CSMD2: variants seen among roughly 807,000 people sequenced by gnomAD.
The protein encoded by CSMD2 is CUB and sushi domain-containing protein 2.
CSMD2 carries 130 observed loss-of-function variants against 398.5 expected under a neutral mutation model. The ratio of observed to expected loss-of-function variants is 0.33; its 90% confidence interval spans 0.28 to 0.38. CSMD2 has a LOEUF of 0.38. CSMD2 is among the 10% of genes least tolerant of loss of function. CSMD2 has a pLI of 1.00. For synonymous variants in CSMD2, 1,828 were observed against 1,908.5 expected, an observed-to-expected ratio of 0.96 and a Z score of 1.10; for missense variants, 3,829 against 4,764.9, an observed-to-expected ratio of 0.80 and a Z score of 5.78.
At chr1:33,796,785 G>A (rs142682697) in intron 10 of CSMD2, among the ~76,000 whole-genome samples, 1,600 of 152,300 alleles carry the variant, frequency 0.011, 35 homozygotes, top group African/African-American at 0.036. Context: ...ATAAATGGAT[G>A]TGCAAGTAGG....
intron 9 of CSMD2, among the ~76,000 whole-genome samples, chr1:33,813,653 A>G (rs1440800030): frequency 6.6e-6 from 1 of 151,952 alleles, no homozygotes; most frequent in Non-Finnish European, 1.5e-5. Flanking sequence ...GACCATAGGG[A>G]GCTACCACCT....
chr1:34,127,116 G>A (rs1293609369), intron 1 of CSMD2, among the ~76,000 whole-genome samples: 4 of 152,078 alleles, frequency 2.6e-5, no homozygotes, highest in Admixed American at 6.5e-5. Context: ...GGAAGGCAAC[G>A]AGGGCATGAC....
At chr1:33,789,147 A>G (rs563601947) in intron 11 of CSMD2, among the ~76,000 whole-genome samples, 1 of 152,320 alleles carries the variant, frequency 6.6e-6, no homozygotes, top group South Asian at 2.1e-4. Flanking sequence ...TTCCCCTCAC[A>G]GAAACCCATT....
At chr1:34,122,000 T>C (rs370859772) in intron 1 of CSMD2, among the ~76,000 whole-genome samples, 1 of 151,638 alleles carries the variant, frequency 6.6e-6, no homozygotes, top group African/African-American at 2.4e-5. Flanking sequence ...TCTGGTTTTT[T>C]TTTTTTTTTC....
chr1:34,090,565 G>A (rs1464037670), intron 1 of CSMD2, among the ~76,000 whole-genome samples: 1 of 151,282 alleles, frequency 6.6e-6, no homozygotes, highest in Admixed American at 6.6e-5. Context: ...TCAGTGAATG[G>A]AATCATGCCT....
intron 32 of CSMD2, among the ~76,000 whole-genome samples, chr1:33,630,105 C>G (rs1199368030): frequency 6.6e-6 from 1 of 151,872 alleles, no homozygotes; most frequent in South Asian, 2.1e-4. Flanking sequence ...TTCCTTCCTT[C>G]CTTACTTCCT....
rs746794085 is a variant in CSMD2 at position 33,636,412 on chromosome 1, G to T, written c.4917C>A (p.Ile1639=). The T allele has an allele frequency of 6.2e-7, 1 of 1,614,000 alleles. No homozygotes were observed. The highest frequency in any genetic ancestry group is 8.5e-7 in the Non-Finnish European group (1 of 1,179,946). ...ACACGGGCTTCCCATCAGGCCCCAG[G>T]ATGCAGCTCAGGGTCGAGGTGCCCT... is the stretch of plus-strand genomic sequence containing the variant. ...EVEGTSTLSC[I]LGPDGKPVWN... The change falls in exon 30 of 71, where the codon ATC becomes ATA. Residue 1639 remains isoleucine (I), a synonymous_variant. Coordinates refer to ENST00000373381, the MANE Select transcript of CSMD2 (RefSeq NM_001281956.2). The surrounding 1 kb of genome is among the most constrained non-coding windows in gnomAD (Gnocchi z 4.8).
At chr1:33,955,857 A>C (rs1416303769) in intron 3 of CSMD2, among the ~76,000 whole-genome samples, 2 of 152,206 alleles carry the variant, frequency 1.3e-5, no homozygotes, top group Non-Finnish European at 2.9e-5. Context: ...TCTCCATTCA[A>C]ACATCCCACT....
At chr1:34,131,330 A>G (rs969180783) in intron 1 of CSMD2, among the ~76,000 whole-genome samples, 3 of 152,118 alleles carry the variant, frequency 2.0e-5, no homozygotes, top group Admixed American at 2.0e-4. Flanking sequence ...TGTCTGCTCT[A>G]TTGGGAGGTG....
intron 2 of CSMD2, among the ~76,000 whole-genome samples, chr1:34,034,171 C>T (rs12035502): frequency 0.094 from 14,353 of 152,124 alleles, 1,054 homozygotes; most frequent in East Asian, 0.33. Context: ...AAGCAAGACA[C>T]GCAGAGGACT....
At chr1:33,773,111 C>A (rs538523540) in intron 12 of CSMD2, among the ~76,000 whole-genome samples, 1 of 152,240 alleles carries the variant, frequency 6.6e-6, no homozygotes, top group East Asian at 1.9e-4. Flanking sequence ...GTTACCTGTC[C>A]CAGGAGCAAC....
At chr1:33,696,703 T>G (rs999066372) in intron 24 of CSMD2, among the ~76,000 whole-genome samples, 4 of 152,028 alleles carry the variant, frequency 2.6e-5, no homozygotes, top group African/African-American at 9.7e-5. Context: ...GAACATGTCA[T>G]CATGGACAAC....
In CSMD2 at chr1:33,527,210, A is replaced by G. The variant is rs1272621107; in HGVS notation, c.10220T>C (p.Leu3407Pro). The change falls in exon 65 of 71, where the codon CTC becomes CCC. Residue 3407 changes from leucine (L) to proline (P), a missense_variant. Physicochemically the swap from Leu to Pro is moderately conservative, Grantham distance 98. Transcript: ENST00000373381. ...RPINTAREPP[L>P]TQALIPGDVF... ...ACCATACGTACTCAAGGCTTGGGTG[A>G]GCGGTGGCTCCCGGGCAGTGTTGAT... The G allele has an allele frequency of 6.2e-7, 1 of 1,614,056 alleles. No individual in the cohort carries two copies. Among genetic ancestry groups the G allele is most frequent in the Non-Finnish European group, 8.5e-7 (1 of 1,179,924 alleles).
chr1:34,121,468 T>G (rs1662180123), intron 1 of CSMD2, among the ~76,000 whole-genome samples: 1 of 152,200 alleles, frequency 6.6e-6, no homozygotes, highest in African/African-American at 2.4e-5. Flanking sequence ...GAATAAAAAG[T>G]CTTCATTGTT....
chr1:33,556,349 A>G (rs1466902309), intron 55 of CSMD2, among the ~76,000 whole-genome samples: 3 of 152,202 alleles, frequency 2.0e-5, no homozygotes, highest in Non-Finnish European at 4.4e-5. Flanking sequence ...AGCAGTGAGC[A>G]GCTATACCAG....
At chr1:33,695,372 T>C (rs1472764200) in intron 24 of CSMD2, among the ~76,000 whole-genome samples, 1 of 152,120 alleles carries the variant, frequency 6.6e-6, no homozygotes, top group Non-Finnish European at 1.5e-5. Flanking sequence ...GAACTTTGCA[T>C]GTTAGGAGGA....
chr1:33,558,147 T>C (rs960784163), intron 54 of CSMD2, among the ~76,000 whole-genome samples: 8 of 152,218 alleles, frequency 5.3e-5, no homozygotes, highest in African/African-American at 1.9e-4. Flanking sequence ...GATTGATTAC[T>C]CTCTTTCTGG....
chr1:34,040,110 G>A (rs1651666545), intron 2 of CSMD2, among the ~76,000 whole-genome samples: 1 of 151,986 alleles, frequency 6.6e-6, no homozygotes, highest in Non-Finnish European at 1.5e-5. Context: ...AGGATCACTT[G>A]AGCCTAGGAG....
chr1:34,039,018 T>G (rs1241215571), intron 2 of CSMD2, among the ~76,000 whole-genome samples: 1 of 150,980 alleles, frequency 6.6e-6, no homozygotes, highest in Non-Finnish European at 1.5e-5. Flanking sequence ...TCTAATTAAC[T>G]CTTTCTCATC....
Sources: gnomAD v4.1 joint callset for allele counts (sites outside exome capture counted in the v4.1 genomes callset) on GRCh38, gnomAD v4.1.1 for gene constraint, Gnocchi (gnomAD v3.1) non-coding constraint, MANE v1.5 for transcripts, NCBI Gene and HGNC (gene_info 2026-07-23, HGNC 2026-07-21) for gene names.